The following RSRC1 variants were observed in gnomAD, a reference collection of about 807,000 sequenced individuals.
The protein encoded by RSRC1 is serine/Arginine-related protein 53.
Under a neutral mutation model 49.1 loss-of-function variants are expected in RSRC1, and 39 were observed. That is an observed-to-expected ratio of 0.79 (90% CI 0.61 to 1.04). The LOEUF is 1.04. Ranked by LOEUF, RSRC1 falls within the 50% of genes least tolerant of loss-of-function variation. The pLI is 0.00. For synonymous variants in RSRC1, 143 were observed against 130.8 expected (o/e 1.09, Z -0.63); for missense variants, 388 against 402.4 (o/e 0.96, Z 0.31).
chr3:158,230,716 A>G (rs1315250452), intron 4 of RSRC1, among the ~76,000 whole-genome samples: 2 of 152,046 alleles, frequency 1.3e-5, no homozygotes, highest in African/African-American at 4.8e-5. Flanking sequence ...TTCATATTTT[A>G]TTCCTTTTCT....
chr3:158,148,360 T>TGC (rs1717294159), intron 3 of RSRC1, among the ~76,000 whole-genome samples: 1 of 98,812 alleles, frequency 1.0e-5, no homozygotes, highest in African/African-American at 4.8e-5. Context: ...GGTGTGTGTG[T>TGC]GTGTGCGTGT....
chr3:158,323,048 A>C (rs1408980002), intron 5 of RSRC1, among the ~76,000 whole-genome samples: 2 of 151,788 alleles, frequency 1.3e-5, no homozygotes, highest in African/African-American at 4.8e-5. Context: ...ACATTTCCAC[A>C]CTTCCTTTTT....
chr3:158,159,809 C>A (rs1208404423), intron 3 of RSRC1, among the ~76,000 whole-genome samples: 2 of 151,966 alleles, frequency 1.3e-5, no homozygotes, highest in Non-Finnish European at 2.9e-5. Context: ...CTGATGAGAT[C>A]ATTATTTGAC....
At chr3:158,178,704 T>C (rs1002653586) in intron 3 of RSRC1, among the ~76,000 whole-genome samples, 2 of 152,158 alleles carry the variant, frequency 1.3e-5, no homozygotes, top group Non-Finnish European at 2.9e-5. Context: ...CATTGGAATT[T>C]TTTGGGGATT....
Position 158,528,466 on chromosome 3 carries a change from G to A in RSRC1, c.653-8626G>A, listed in dbSNP as rs183706689. Among the ~76,000 whole-genome samples, 9 of 151,932 alleles carry A rather than the reference G, an allele frequency of 5.9e-5. No homozygotes were observed. In the South Asian group the frequency reaches 1.2e-3, roughly 21 times the overall value. On this transcript the variant is annotated intron_variant, in intron 7 of 9. Coordinates refer to ENST00000611884, the MANE Select transcript of RSRC1 (RefSeq NM_001271838.2). ...TTGTGTGCTAAGAAAAAAGAGCTGC[G>A]TATCTCTGATATTAGCCACAGTGAC...
chr3:158,363,933 A>C (rs1263968146), intron 6 of RSRC1, among the ~76,000 whole-genome samples: 2 of 152,192 alleles, frequency 1.3e-5, no homozygotes, highest in African/African-American at 4.8e-5. Flanking sequence ...AAGTGTTATC[A>C]AAACACAGAT....
chr3:158,378,676 G>T (rs1433647303), intron 6 of RSRC1, among the ~76,000 whole-genome samples: 1 of 152,158 alleles, frequency 6.6e-6, no homozygotes, highest in Non-Finnish European at 1.5e-5. Context: ...AAATAATCAG[G>T]TCTGCCTTTC....
At chr3:158,331,784 AATAAGATTAC>A (rs1249828539) in intron 5 of RSRC1, among the ~76,000 whole-genome samples, 1 of 151,446 alleles carries the variant, frequency 6.6e-6, no homozygotes, top group African/African-American at 2.4e-5. Context: ...AAAAAACCTG[AATAAGATTAC>A]ATATTTTTTT....
At chr3:158,229,062 G>A (rs144943143) in intron 4 of RSRC1, among the ~76,000 whole-genome samples, 5 of 21,686 alleles carry the variant, frequency 2.3e-4, no homozygotes, top group African/African-American at 6.7e-4. Context: ...GTATATGTGT[G>A]TATAAACACG....
chr3:158,212,269 AT>A (rs966996834), intron 4 of RSRC1, among the ~76,000 whole-genome samples: 4 of 151,564 alleles, frequency 2.6e-5, no homozygotes, highest in Admixed American at 1.3e-4. Flanking sequence ...ATAACATTGC[AT>A]TTTTTTTAAG....
intron 7 of RSRC1, among the ~76,000 whole-genome samples, chr3:158,474,114 T>G (rs1299819357): frequency 1.3e-5 from 2 of 152,140 alleles, no homozygotes; most frequent in African/African-American, 4.8e-5. Context: ...TAACCACTAA[T>G]GGAATTCATG....
At chr3:158,382,884 CAG>C (rs745955045) in intron 6 of RSRC1, among the ~76,000 whole-genome samples, 5 of 152,070 alleles carry the variant, frequency 3.3e-5, no homozygotes, top group East Asian at 1.9e-4. Context: ...AAACTAAAGA[CAG>C]ATTTATTTTC....
intron 3 of RSRC1, among the ~76,000 whole-genome samples, chr3:158,172,811 TTAAA>T (rs1718954502): frequency 6.6e-6 from 1 of 152,148 alleles, no homozygotes; most frequent in South Asian, 2.1e-4. Context: ...TTAAAACAAT[TTAAA>T]TAAGTTTAGG....
chr3:158,518,973 G>A (rs1711516362), intron 7 of RSRC1, among the ~76,000 whole-genome samples: 1 of 151,782 alleles, frequency 6.6e-6, no homozygotes, highest in Non-Finnish European at 1.5e-5. Flanking sequence ...ATTTTTATCT[G>A]AAGTACAGGC....
rs116562668 is a variant in RSRC1, at chr3:158,479,767, G to A, written c.652+18764G>A. ...GATTTGTTTGAGCAGTCATGTTTGT[G>A]ATATTGCCTGTAGGTATTAAATGGC... On this transcript the variant is annotated intron_variant, in intron 7 of 9. Transcript: ENST00000611884. 3.8e-3 allele frequency among the ~76,000 whole-genome samples: 572 copies of A among 152,072 alleles called. 6 individuals carry two copies. Among genetic ancestry groups the A allele is most frequent in the African/African-American group, 0.013 (543 of 41,536 alleles).
chr3:158,295,450 T>G (rs530696403), intron 4 of RSRC1, among the ~76,000 whole-genome samples: 1 of 152,246 alleles, frequency 6.6e-6, no homozygotes, highest in South Asian at 2.1e-4. Context: ...ATAAAGATTT[T>G]GTTGTGTTAA....
chr3:158,504,572 C>T (rs1383588204), intron 7 of RSRC1, among the ~76,000 whole-genome samples: 1 of 152,156 alleles, frequency 6.6e-6, no homozygotes, highest in Non-Finnish European at 1.5e-5. Flanking sequence ...TCACTGGGTA[C>T]TGAGTGGTCT....
At position 158,111,048 on chromosome 3, in the gene RSRC1, GATAA is replaced by G. The variant is rs1340857742; in HGVS notation, c.-3+832_-3+835del. The stretch of plus-strand genomic sequence containing the variant: ...TTGTGTTCCAGCTAACTAGGTAGTA[GATAA>G]ATAAATTCAAATGTCTTATGTTGTC... On this transcript the variant is annotated intron_variant, in intron 1 of 9. Transcript: ENST00000611884. Among the ~76,000 whole-genome samples, 11 of 152,298 alleles carry G rather than the reference GATAA, an allele frequency of 7.2e-5. No individual in the cohort carries two copies. The South Asian group carries it at 1.9e-3, about 26-fold the overall frequency.
At chr3:158,283,642 G>C (rs1161921440) in intron 4 of RSRC1, among the ~76,000 whole-genome samples, 1 of 152,092 alleles carries the variant, frequency 6.6e-6, no homozygotes, top group Non-Finnish European at 1.5e-5. Context: ...TGGGCATTTA[G>C]TTCTCAGTTT....
Sources: gnomAD v4.1 joint callset for allele counts (sites outside exome capture counted in the v4.1 genomes callset) on GRCh38, gnomAD v4.1.1 for gene constraint, MANE v1.5 for transcripts, NCBI Gene and HGNC (gene_info 2026-07-23, HGNC 2026-07-21) for gene names.